TNKS: variants seen among roughly 807,000 people sequenced by gnomAD.
TNKS encodes poly [ADP-ribose] polymerase tankyrase-1.
In TNKS, 72 loss-of-function variants were observed where a neutral mutation model predicts 135.8. That is an observed-to-expected ratio of 0.53 (90% confidence interval 0.44 to 0.64). The LOEUF (loss-of-function observed/expected upper bound fraction) is 0.64, where lower values mean the gene tolerates loss of function less well. Ranked by LOEUF, TNKS falls within the 30% of genes least tolerant of loss-of-function variation. TNKS has a pLI of 0.00. For synonymous variants in TNKS, 849 were observed against 649.3 expected, an observed-to-expected ratio of 1.31 and a Z score of -4.68; for missense variants, 1,769 against 1,674.0, an observed-to-expected ratio of 1.06 and a Z score of -0.99.
At chr8:9,591,433 A>G (rs986388845) in intron 2 of TNKS, among the ~76,000 whole-genome samples, 2 of 152,162 alleles carry the variant, frequency 1.3e-5, no homozygotes, top group Admixed American at 6.6e-5. Flanking sequence ...CTTCTCTTGG[A>G]TGGATCCCTG....
At chr8:9,643,542 A>G (rs1308259496) in intron 3 of TNKS, among the ~76,000 whole-genome samples, 2 of 152,120 alleles carry the variant, frequency 1.3e-5, no homozygotes, top group East Asian at 1.9e-4. Flanking sequence ...TAAGTTTCCA[A>G]CATACAAACT....
chr8:9,620,181 C>G lies in TNKS; in HGVS notation c.994+4504C>G, dbSNP rs972935388. On this transcript the variant is annotated intron_variant, in intron 3 of 26. Coordinates refer to ENST00000310430, the MANE Select transcript of TNKS (RefSeq NM_003747.3). Reference sequence around the variant, plus strand: ...GCCAGGATGGTCTCGATCTCCTGACCTCGTGATCCGCTGCCTTGGCCTCCC... The same window carrying G: ...GCCAGGATGGTCTCGATCTCCTGACGTCGTGATCCGCTGCCTTGGCCTCCC... 2.6e-5 allele frequency among the ~76,000 whole-genome samples: 4 copies of G among 152,122 alleles called. No homozygotes were observed. The South Asian group carries it at 8.3e-4, about 32-fold the overall frequency.
intron 1 of TNKS, among the ~76,000 whole-genome samples, chr8:9,567,664 G>T (rs182813879): frequency 6.6e-6 from 1 of 152,270 alleles, no homozygotes; most frequent in East Asian, 1.9e-4. Context: ...TGATCTGCCC[G>T]CCTTGGCCTC....
chr8:9,754,766 A>G (rs574092082), intron 20 of TNKS, among the ~76,000 whole-genome samples: 1 of 152,308 alleles, frequency 6.6e-6, no homozygotes, highest in East Asian at 1.9e-4. Flanking sequence ...CTTTTAATAC[A>G]GTGATGCATC....
rs955810812 is a variant in TNKS, at chr8:9,780,816, A to C, written c.*4080A>C. On this transcript the variant is annotated 3_prime_UTR_variant, in exon 27 of 27. Transcript: ENST00000310430. ...TATATTTCATAAGTAATATTCCCTT[A>C]CATGCAATGGAGCTGATTAAAATTA... 1 of 152,210 alleles carries C rather than the reference A, an allele frequency of 6.6e-6. No homozygotes were observed. The highest frequency in any genetic ancestry group is 1.5e-5 in the Non-Finnish European group (1 of 68,042). 9.4% of individuals were successfully genotyped at this position (152,210 alleles called of 1,614,324 possible).
intron 14 of TNKS, among the ~76,000 whole-genome samples, chr8:9,732,655 T>A (rs1805502189): frequency 6.6e-6 from 1 of 152,150 alleles, no homozygotes. Context: ...TCTTTTGATG[T>A]ACTCTTTTGT....
intron 3 of TNKS, among the ~76,000 whole-genome samples, chr8:9,652,611 CT>C (rs1801187640): frequency 6.6e-6 from 1 of 152,064 alleles, no homozygotes. Context: ...AATATTAATT[CT>C]TTTCATCAAA....
At chr8:9,668,254 A>C (rs1802094304) in intron 3 of TNKS, among the ~76,000 whole-genome samples, 1 of 152,252 alleles carries the variant, frequency 6.6e-6, no homozygotes, top group East Asian at 1.9e-4. Context: ...GTGTAAATAA[A>C]AGATTTAGAT....
intron 1 of TNKS, chr8:9,574,949 T>C: frequency 1.4e-6 from 1 of 738,410 alleles, no homozygotes. Context: ...CTCTTGTGAC[T>C]GTGAGGTAAG....
chr8:9,729,507 A>G (rs10090838), intron 13 of TNKS, among the ~76,000 whole-genome samples: 4,906 of 152,108 alleles, frequency 0.032, 204 homozygotes, highest in African/African-American at 0.097. Flanking sequence ...CTTTCTTCTG[A>G]TCACTTCCCT....
intron 2 of TNKS, among the ~76,000 whole-genome samples, chr8:9,594,507 A>G (rs1479580156): frequency 1.3e-5 from 2 of 152,236 alleles, no homozygotes; most frequent in African/African-American, 2.4e-5. Flanking sequence ...GTTATCACAG[A>G]AAGTTCTGTT....
chr8:9,678,143 A>G (rs967819101), intron 3 of TNKS, among the ~76,000 whole-genome samples: 1 of 152,216 alleles, frequency 6.6e-6, no homozygotes, highest in African/African-American at 2.4e-5. Flanking sequence ...TCGCGTTAAA[A>G]TCTGGCATAC....
intron 3 of TNKS, among the ~76,000 whole-genome samples, chr8:9,665,189 A>G (rs181875880): frequency 6.6e-6 from 1 of 152,062 alleles, no homozygotes; most frequent in Non-Finnish European, 1.5e-5. Context: ...AATTTGTTAC[A>G]TTGGTTTCCT....
At chr8:9,595,986 C>G (rs982124496) in intron 2 of TNKS, among the ~76,000 whole-genome samples, 1 of 152,076 alleles carries the variant, frequency 6.6e-6, no homozygotes, top group African/African-American at 2.4e-5. Flanking sequence ...GTGGCACACA[C>G]CTGTGGTCCT....
At chr8:9,660,552 ACT>A (rs1271496357) in intron 3 of TNKS, among the ~76,000 whole-genome samples, 13 of 152,072 alleles carry the variant, frequency 8.5e-5, no homozygotes, top group African/African-American at 3.1e-4. Flanking sequence ...CATGCTAAAA[ACT>A]CTCATTAAAT....
At chr8:9,744,200 A>G (rs1272933959) in intron 17 of TNKS, among the ~76,000 whole-genome samples, 2 of 152,202 alleles carry the variant, frequency 1.3e-5, no homozygotes, top group Non-Finnish European at 2.9e-5. Flanking sequence ...TGTTCTTTAT[A>G]TAATAATGCC....
intron 1 of TNKS, among the ~76,000 whole-genome samples, chr8:9,569,767 C>T (rs574281429): frequency 6.6e-6 from 1 of 152,174 alleles, no homozygotes; most frequent in Admixed American, 6.5e-5. Flanking sequence ...CACTGTTTGG[C>T]ATTATATCTC....
At chr8:9,724,468 C>G (rs1805063552) in intron 12 of TNKS, among the ~76,000 whole-genome samples, 2 of 152,084 alleles carry the variant, frequency 1.3e-5, no homozygotes, top group African/African-American at 4.8e-5. Flanking sequence ...GTTATACAAA[C>G]CTAGCATACT....
At chr8:9,696,214 C>T (rs926769650) in intron 5 of TNKS, among the ~76,000 whole-genome samples, 5 of 152,078 alleles carry the variant, frequency 3.3e-5, no homozygotes, top group African/African-American at 9.7e-5. Context: ...TAAGGACAGA[C>T]TTTTGGAGTA....
Sources: allele counts gnomAD v4.1 joint callset (sites outside exome capture counted in the v4.1 genomes callset), GRCh38; gene constraint gnomAD v4.1.1; transcripts MANE v1.5; gene names NCBI Gene and HGNC (gene_info 2026-07-23, HGNC 2026-07-21).